The following EXO1 variants were observed in gnomAD, a reference collection of about 807,000 sequenced individuals.
EXO1 encodes exonuclease 1.
EXO1 carries 69 observed loss-of-function variants against 84.5 expected under a neutral mutation model. The ratio of observed to expected loss-of-function variants is 0.82; its 90% confidence interval spans 0.67 to 1.00. The LOEUF is 1.00. Ranked by LOEUF, EXO1 falls within the 50% of genes least tolerant of loss-of-function variation. The pLI, the probability that EXO1 is intolerant of heterozygous loss-of-function variation, is 0.00. For missense variants in EXO1, 1,045 were observed against 1,000.7 expected (o/e 1.04, Z -0.60); for synonymous variants, 373 against 366.1 (o/e 1.02, Z -0.21).
chr1:241,864,026 C>T (rs1456944874), intron 10 of EXO1, among the ~76,000 whole-genome samples: 2 of 152,060 alleles, frequency 1.3e-5, no homozygotes, highest in Non-Finnish European at 2.9e-5. Context: ...ATTTTTTGAA[C>T]GTTTTCTTCC....
chr1:241,864,085 C>T (rs376211564), intron 10 of EXO1, among the ~76,000 whole-genome samples: 19 of 152,184 alleles, frequency 1.2e-4, no homozygotes, highest in East Asian at 5.8e-4. Flanking sequence ...TATTTTCTCC[C>T]TCATGGTGGT....
rs1461832920 is a variant in EXO1, at chr1:241,849,042, T to A, written c.-123+15T>A. 6.6e-6 allele frequency: 1 copy of A among 152,266 alleles called. No homozygotes were observed. The highest frequency in any genetic ancestry group is 1.5e-5 in the Non-Finnish European group (1 of 68,056). 9.4% of individuals were successfully genotyped at this position (152,266 alleles called of 1,614,324 possible). A position where few individuals can be genotyped will look rare whatever the true frequency, so the allele number is the denominator to read the frequency against. On this transcript the variant is annotated intron_variant, in intron 2 of 15. Transcript: ENST00000366548. Reference sequence around the variant, plus strand: ...TCATCTGAGAGGTAAGAGACTGTTTTTCTGAAACTGTGGCTTGAGGACCAC... The same window carrying A: ...TCATCTGAGAGGTAAGAGACTGTTTATCTGAAACTGTGGCTTGAGGACCAC...
intron 6 of EXO1, among the ~76,000 whole-genome samples, chr1:241,856,247 CT>C (rs906971627): frequency 3.3e-5 from 4 of 121,128 alleles, no homozygotes; most frequent in Middle Eastern, 4.2e-3. Context: ...CCTCTTTCCT[CT>C]TTTTTTCTTT....
At chr1:241,873,098 A>T (rs1662205571) in intron 12 of EXO1, among the ~76,000 whole-genome samples, 1 of 151,600 alleles carries the variant, frequency 6.6e-6, no homozygotes, top group African/African-American at 2.4e-5. Flanking sequence ...TTATACTTTA[A>T]GTTCTAGGGT....
intron 14 of EXO1, among the ~76,000 whole-genome samples, chr1:241,883,228 C>T (rs1281349371): frequency 1.3e-5 from 2 of 152,166 alleles, no homozygotes; most frequent in African/African-American, 4.8e-5. Context: ...GATGTAGTCT[C>T]ACACAATATA....
rs994169237 is a variant in EXO1 at position 241,871,930 on chromosome 1, A to G, written c.1268-102A>G. The G allele has an allele frequency of 8.3e-6, 4 of 484,682 alleles. No individual in the cohort carries two copies. The East Asian group carries it at 1.2e-4, about 14-fold the overall frequency. The allele number at this position is 484,682 out of a possible 1,614,324, so 30.0% of individuals were successfully genotyped here. ...GGCATAGTTTTTTTTTTTTTTTTTT[A>G]AAGTCCTTATTTTTAGGACAATGGG... On this transcript the variant is annotated intron_variant, in intron 11 of 15. Transcript: ENST00000366548.
At chr1:241,856,721 G>C (rs752665834) in intron 6 of EXO1, among the ~76,000 whole-genome samples, 147 of 152,136 alleles carry the variant, frequency 9.7e-4, no homozygotes, top group Admixed American at 2.6e-3. Context: ...TCTTAAGATG[G>C]AAGTTTTCTA....
At chr1:241,869,389 T>G (rs4149952) in intron 11 of EXO1, among the ~76,000 whole-genome samples, 2,476 of 152,288 alleles carry the variant, frequency 0.016, 27 homozygotes, top group Non-Finnish European at 0.025. Context: ...ACGTGGGAAT[T>G]TTTTCACCAT....
chr1:241,848,131 C>G (rs1574123797), upstream of EXO1: 2 of 152,406 alleles, frequency 1.3e-5, no homozygotes, highest in South Asian at 4.1e-4. This position sits in a 1 kb window ranked among gnomAD's most constrained non-coding sequence, Gnocchi z 4.2. Flanking sequence ...GAGGCGGAAC[C>G]GGGTTGCGGG....
chr1:241,867,708 A>T lies in EXO1; in HGVS notation c.1267+653A>T, dbSNP rs548700256. On this transcript the variant is annotated intron_variant, in intron 11 of 15. Transcript: ENST00000366548. ...TTTCCCCATTTAATTGCCTTGGCAC[A>T]GCTGTTTAAAATCAGCTGACCACAT... 4.6e-5 allele frequency among the ~76,000 whole-genome samples: 7 copies of T among 152,166 alleles called. No individual in the cohort carries two copies. In the South Asian group the frequency reaches 1.2e-3, roughly 27 times the overall value.
chr1:241,882,370 A>T (rs1037057275), intron 14 of EXO1, among the ~76,000 whole-genome samples: 2 of 152,148 alleles, frequency 1.3e-5, no homozygotes, highest in African/African-American at 4.8e-5. Flanking sequence ...ATATTTGAGG[A>T]CATGTTCTTG....
At chr1:241,880,452 T>C (rs1463522121) in intron 13 of EXO1, among the ~76,000 whole-genome samples, 1 of 152,254 alleles carries the variant, frequency 6.6e-6, no homozygotes, top group Non-Finnish European at 1.5e-5. Flanking sequence ...CAGTTCACAC[T>C]GTAGGCTGGT....
At chr1:241,877,529 A>G (rs1409835982) in intron 12 of EXO1, among the ~76,000 whole-genome samples, 2 of 152,182 alleles carry the variant, frequency 1.3e-5, no homozygotes, top group East Asian at 1.9e-4. Context: ...GTGAAAGGAT[A>G]GAAAGGATTT....
intron 12 of EXO1, among the ~76,000 whole-genome samples, chr1:241,876,838 C>G (rs1273121016): frequency 6.6e-6 from 1 of 152,020 alleles, no homozygotes; most frequent in Non-Finnish European, 1.5e-5. Flanking sequence ...GCATACAATC[C>G]AATAGGCCTG....
intron 12 of EXO1, 26 bp downstream of exon 12, chr1:241,872,304 A>T: frequency 1.2e-6 from 2 of 1,610,454 alleles, no homozygotes; most frequent in Non-Finnish European, 1.7e-6. Context: ...CAGAATGTTG[A>T]TTGTCTGTTG....
chr1:241,877,161 T>G (rs1041021632), intron 12 of EXO1, among the ~76,000 whole-genome samples: 10 of 152,186 alleles, frequency 6.6e-5, no homozygotes, highest in Non-Finnish European at 1.3e-4. Flanking sequence ...ATGTAGGTAG[T>G]TATCACAGAA....
intron 14 of EXO1, among the ~76,000 whole-genome samples, chr1:241,884,386 T>C (rs1662926003): frequency 1.3e-5 from 2 of 152,198 alleles, no homozygotes; most frequent in Non-Finnish European, 2.9e-5. Context: ...TCTTACTATC[T>C]TAAGAAACAA....
intron 10 of EXO1, among the ~76,000 whole-genome samples, chr1:241,866,393 C>T (rs1267459469): frequency 6.6e-6 from 1 of 152,096 alleles, no homozygotes; most frequent in Admixed American, 6.5e-5. Flanking sequence ...GGATTATAGG[C>T]GTGAGCCACC....
intron 3 of EXO1, 122 bp from the exon 4 acceptor site, chr1:241,850,271 CTCCGTCTCAAAAAAAA>C: frequency 1.6e-6 from 1 of 619,648 alleles, no homozygotes; most frequent in Non-Finnish European, 2.8e-6. Context: ...AAGAGCGAGA[CTCCGTCTCAAAAAAAA>C]AAAAAAACAA....
Sources: allele counts gnomAD v4.1 joint callset (sites outside exome capture counted in the v4.1 genomes callset), GRCh38; gene constraint gnomAD v4.1.1; non-coding constraint Gnocchi (gnomAD v3.1); transcripts MANE v1.5; gene names NCBI Gene and HGNC (gene_info 2026-07-23, HGNC 2026-07-21).